The following DCTN2 variants were observed in gnomAD, a reference collection of about 807,000 sequenced individuals.
DCTN2 encodes dynactin subunit 2, also known as 50 kDa dynein-associated polypeptide.
DCTN2 carries 18 observed loss-of-function variants against 55.4 expected under a neutral mutation model. That is an observed-to-expected ratio of 0.32 (90% CI 0.22 to 0.48). The LOEUF is 0.48. DCTN2 is among the 20% of genes least tolerant of loss of function. The pLI, the probability that DCTN2 is intolerant of heterozygous loss-of-function variation, is 0.99. For missense variants in DCTN2, 390 were observed against 491.0 expected (o/e 0.79, Z 1.94); for synonymous variants, 168 against 185.2 (o/e 0.91, Z 0.76).
rs976674702 is a variant in DCTN2 at position 57,535,460 on chromosome 12, A to G, written c.264+24T>C. The G allele has an allele frequency of 1.9e-6, 3 of 1,565,860 alleles. No homozygotes were observed. In the African/African-American group the frequency reaches 4.1e-5, roughly 21 times the overall value. On this transcript the variant is annotated intron_variant, in intron 4 of 13. Coordinates refer to ENST00000548249, the MANE Select transcript of DCTN2 (RefSeq NM_001261413.2). ...ATAGGGTCACTACACCATTCCCATC[A>G]ACACACACACACACACAACAAACCA...
At chr12:57,542,135 G>A (rs944770154) in intron 2 of DCTN2, among the ~76,000 whole-genome samples, 1 of 152,106 alleles carries the variant, frequency 6.6e-6, no homozygotes, top group Non-Finnish European at 1.5e-5. Context: ...AATTAGCCGG[G>A]TGTGGTGATG....
chr12:57,534,203 C>T, intron 6 of DCTN2, 89 bp downstream of exon 6: 1 of 1,522,880 alleles, frequency 6.6e-7, no homozygotes, highest in Non-Finnish European at 8.8e-7. Context: ...TAAGCCACTT[C>T]TCTGCCACTT....
chr12:57,535,641 G>A, intron 3 of DCTN2, 96 bp from the exon 4 acceptor site: 1 of 1,525,804 alleles, frequency 6.6e-7, no homozygotes, highest in Non-Finnish European at 9.1e-7. Context: ...ATATCTCCAT[G>A]AGGGACCCCT....
rs979991671 is a variant in DCTN2 at position 57,530,895 on chromosome 12, A to G, written c.1120-120T>C. On this transcript the variant is annotated intron_variant, in intron 13 of 13. Coordinates refer to ENST00000548249, the MANE Select transcript of DCTN2 (RefSeq NM_001261413.2). ...TGGAAGCACAATTTGTGGGCCACAG[A>G]GGGGGGATGTTTATAGCACCAATTT... The G allele has an allele frequency of 5.7e-6, 5 of 872,444 alleles. No individual in the cohort carries two copies. In the Admixed American group the frequency reaches 6.0e-5, roughly 11 times the overall value. The allele number at this position is 872,444 out of a possible 1,614,324, so 54.0% of individuals were successfully genotyped here. A position where few individuals can be genotyped will look rare whatever the true frequency, so the allele number is the denominator to read the frequency against.
intron 4 of DCTN2, 63 bp from the exon 5 acceptor site, chr12:57,535,217 C>A (rs2140123010): frequency 7.3e-7 from 1 of 1,368,302 alleles, no homozygotes; most frequent in Non-Finnish European, 1.0e-6. Context: ...AAGAATTCAT[C>A]CACACCCTGG....
rs774617617 is a variant in DCTN2, at chr12:57,534,027, G to A, written c.595C>T (p.Pro199Ser). 3.7e-6 allele frequency: 6 copies of A among 1,613,536 alleles called. No homozygotes were observed. The South Asian group carries it at 5.5e-5, about 15-fold the overall frequency. ...TAAGTGACAAGGCTGCTATCTGGGG[G>A]GGTCCCAGTGGTTTTTCCCCCTGAT... is the stretch of plus-strand genomic sequence containing the variant. ...GGSGGKTTGT[P>S]PDSSLVTYEL... The change falls in exon 7 of 14, where the codon CCC becomes TCC. Residue 199 changes from proline to serine, a missense_variant. Pro to Ser is a moderately conservative substitution (Grantham distance 74). This residue lies in a region of DCTN2 where 273 missense variants were observed against 303.2 expected (regional missense o/e 0.90). Transcript: ENST00000548249.
chr12:57,535,941 C>T (rs994303675), intron 2 of DCTN2, 96 bp from the exon 3 acceptor site: 1 of 949,068 alleles, frequency 1.1e-6, no homozygotes, highest in Non-Finnish European at 1.6e-6. Flanking sequence ...GTGACTGGGC[C>T]CTACTTGTCC....
chr12:57,533,345 G>T, intron 7 of DCTN2, 42 bp from the exon 8 acceptor site: 4 of 1,572,824 alleles, frequency 2.5e-6, no homozygotes, highest in Non-Finnish European at 3.5e-6. Flanking sequence ...CTGCTTCCCT[G>T]CTGCTGCAAT....
chr12:57,530,461 AT>A lies in DCTN2; in HGVS notation c.*227del. On this transcript the variant is annotated 3_prime_UTR_variant, in exon 14 of 14. Transcript: ENST00000548249. ...GGCATGTGGCTGGGCCCACGTCCTT[AT>A]CCCCCAGGCCTGAGGGGAGACCACC... is the stretch of plus-strand genomic sequence containing the variant. 1 of 473,864 alleles carries A rather than the reference AT, an allele frequency of 2.1e-6. No individual in the cohort carries two copies. Among genetic ancestry groups the A allele is most frequent in the East Asian group, 3.2e-5 (1 of 31,364 alleles). The allele number at this position is 473,864 out of a possible 1,614,324, so 29.4% of individuals were successfully genotyped here.
intron 13 of DCTN2, 147 bp from the exon 14 acceptor site, chr12:57,530,922 C>G: frequency 1.4e-6 from 1 of 710,000 alleles, no homozygotes; most frequent in Admixed American, 2.4e-5. Context: ...CACCAATTTT[C>G]AAGCTACCCT....
chr12:57,534,029 G>T lies in DCTN2; in HGVS notation c.593C>A (p.Thr198Asn). Reference sequence around the variant, plus strand: ...AGTGACAAGGCTGCTATCTGGGGGGGTCCCAGTGGTTTTTCCCCCTGATCC... The same window carrying T: ...AGTGACAAGGCTGCTATCTGGGGGGTTCCCAGTGGTTTTTCCCCCTGATCC... Reference protein sequence around the residue: ...KGGSGGKTTGTPPDSSLVTYE... With the variant: ...KGGSGGKTTGNPPDSSLVTYE... Residue 198 changes from threonine to asparagine, a missense_variant, in exon 7 of 14, where the codon ACC (threonine) becomes AAC (asparagine). Transcript: ENST00000548249. 6.2e-7 allele frequency: 1 copy of T among 1,613,430 alleles called. No individual in the cohort carries two copies. Among genetic ancestry groups the T allele is most frequent in the Non-Finnish European group, 8.5e-7 (1 of 1,179,626 alleles).
intron 2 of DCTN2, chr12:57,536,092 C>T (rs1880210931): frequency 1.9e-6 from 1 of 536,236 alleles, no homozygotes; most frequent in African/African-American, 1.9e-5. Context: ...AGCATAACCT[C>T]CCCACCCTCT....
rs746028213 is a variant in DCTN2 at position 57,530,759 on chromosome 12, C to A, written c.1136G>T (p.Arg379Leu). The A allele has an allele frequency of 6.2e-7, 1 of 1,613,844 alleles. No individual in the cohort carries two copies. Among genetic ancestry groups the A allele is most frequent in the South Asian group, 1.1e-5 (1 of 91,078 alleles). Residue 379 changes from arginine (R) to leucine (L), a missense_variant, in exon 14 of 14, where the codon CGT (arginine) becomes CTT (leucine). Physicochemically the swap from Arg to Leu is moderately radical, Grantham distance 102. This residue lies in a region of DCTN2 where 273 missense variants were observed against 303.2 expected (regional missense o/e 0.90). Coordinates refer to ENST00000548249, the MANE Select transcript of DCTN2 (RefSeq NM_001261413.2). The part of the protein sequence containing the change: ...TLLTQVQTTM[R>L]ENLATVEGNF... ...CCCCTCAACTGTGGCCAGGTTTTCA[C>A]GCATGGTTGTCTGCACCTACAAAGT...
In DCTN2 at chr12:57,535,817, T is replaced by C. The variant is rs1880187557; in HGVS notation, c.134A>G (p.His45Arg). ...GGCAGCATTAGGATTGACAATGATG[T>C]GTTCCACACTTGTGCTTGTCAGCTC... ...AEELTSTSVE[H>R]IIVNPNAAYD... Residue 45 changes from histidine to arginine, a missense_variant, in exon 3 of 14, where the codon CAC becomes CGC. By Grantham distance (29) the His-to-Arg change is conservative. Around this residue, in one of 2 missense-constraint regions of DCTN2, gnomAD observed 117 missense variants for 187.8 expected, o/e 0.62. Coordinates refer to ENST00000548249, the MANE Select transcript of DCTN2 (RefSeq NM_001261413.2). The C allele has an allele frequency of 6.2e-7, 1 of 1,613,730 alleles. No homozygotes were observed.
At chr12:57,532,493 A>T in intron 11 of DCTN2, 79 bp downstream of exon 11, 1 of 1,486,436 alleles carries the variant, frequency 6.7e-7, no homozygotes, top group South Asian at 1.1e-5. Context: ...CTGAGGAGTC[A>T]GTGTGTTCTC....
At chr12:57,544,459 G>C (rs1222140224) in intron 2 of DCTN2, among the ~76,000 whole-genome samples, 1 of 147,896 alleles carries the variant, frequency 6.8e-6, no homozygotes, top group Non-Finnish European at 1.5e-5. Context: ...CTGTCACCCA[G>C]GCTGGGGTGC....
Position 57,530,634 on chromosome 12 carries a change from T to G in DCTN2, c.*55A>C. ...TAAAGGGGAAACCCTATGTAAGCTG[T>G]TAACAGAGTTCACAGGGGTAGGGAT... On this transcript the variant is annotated 3_prime_UTR_variant, in exon 14 of 14. Coordinates refer to ENST00000548249, the MANE Select transcript of DCTN2 (RefSeq NM_001261413.2). 1 of 1,460,302 alleles carries G rather than the reference T, an allele frequency of 6.8e-7. No individual in the cohort carries two copies. Among genetic ancestry groups the G allele is most frequent in the Non-Finnish European group, 9.6e-7 (1 of 1,046,216 alleles). 90.5% of individuals were successfully genotyped at this position (1,460,302 alleles called of 1,614,324 possible).
intron 2 of DCTN2, among the ~76,000 whole-genome samples, chr12:57,545,157 A>C (rs927942200): frequency 6.6e-6 from 1 of 152,246 alleles, no homozygotes; most frequent in African/African-American, 2.4e-5. Flanking sequence ...TCTTGGACAC[A>C]TCTTTACTGA....
At position 57,532,816 on chromosome 12, in the gene DCTN2, G is replaced by A. The variant is rs767527045; in HGVS notation, c.775-6C>T. On this transcript the variant is annotated splice_region_variant and splice_polypyrimidine_tract_variant and intron_variant, in intron 9 of 13. Coordinates refer to ENST00000548249, the MANE Select transcript of DCTN2 (RefSeq NM_001261413.2). The stretch of plus-strand genomic sequence containing the variant: ...TGCAACAGCTCTACAGTCTCCTGGG[G>A]ATGGAAGTTGGGACAAGCATCATGA... 1.9e-6 allele frequency: 3 copies of A among 1,613,966 alleles called. No individual in the cohort carries two copies. Among genetic ancestry groups the A allele is most frequent in the Middle Eastern group, 1.6e-4 (1 of 6,062 alleles).
Sources: gnomAD v4.1 joint callset for allele counts (sites outside exome capture counted in the v4.1 genomes callset) on GRCh38, gnomAD v4.1.1 for gene constraint, gnomAD v4.1.1 regional missense constraint, MANE v1.5 for transcripts, NCBI Gene and HGNC (gene_info 2026-07-23, HGNC 2026-07-21) for gene names.